ASAP1: variants seen among roughly 807,000 people sequenced by gnomAD.
ASAP1 encodes arf-GAP with SH3 domain, ANK repeat and PH domain-containing protein 1.
A neutral mutation model predicts 145.2 loss-of-function variants in ASAP1; 43 were observed. That is an observed-to-expected ratio of 0.30 (90% confidence interval 0.23 to 0.38). ASAP1 has a LOEUF of 0.38. ASAP1 is among the 10% of genes least tolerant of loss of function. The pLI is 1.00. For synonymous variants in ASAP1, 546 were observed against 515.5 expected, an observed-to-expected ratio of 1.06 and a Z score of -0.80; for missense variants, 1,018 against 1,355.3, an observed-to-expected ratio of 0.75 and a Z score of 3.91.
intron 17 of ASAP1, 78 bp downstream of exon 17, chr8:130,125,878 C>CA (rs2097574230): frequency 1.8e-5 from 26 of 1,437,736 alleles, no homozygotes; most frequent in Middle Eastern, 1.8e-4. Flanking sequence ...AGCAGACATA[C>CA]AAAAAAAATC....
intron 1 of ASAP1, among the ~76,000 whole-genome samples, chr8:130,419,945 C>CCTT (rs201976916): frequency 6.7e-6 from 1 of 150,328 alleles, no homozygotes; most frequent in Admixed American, 6.6e-5. Context: ...GCCTGCACCA[C>CCTT]CTTCTTCTTC....
chr8:130,214,271 G>A (rs957515073), intron 5 of ASAP1, among the ~76,000 whole-genome samples: 4 of 152,126 alleles, frequency 2.6e-5, no homozygotes, highest in African/African-American at 9.7e-5. Context: ...GAGAATTCAG[G>A]TTAAGCAGTT....
intron 1 of ASAP1, among the ~76,000 whole-genome samples, chr8:130,414,956 C>T (rs6470817): frequency 0.4 from 61,514 of 151,970 alleles, 12,589 homozygotes; most frequent in South Asian, 0.47. Context: ...CAGGATTTCA[C>T]CATATTGGTC....
intron 25 of ASAP1, among the ~76,000 whole-genome samples, chr8:130,090,757 CAG>C (rs2097503844): frequency 6.6e-6 from 1 of 152,190 alleles, no homozygotes; most frequent in Admixed American, 6.5e-5. Context: ...AGTAAGCAAA[CAG>C]AGTCAGAGAA....
At chr8:130,372,735 T>A (rs1441397693) in intron 2 of ASAP1, among the ~76,000 whole-genome samples, 3 of 152,228 alleles carry the variant, frequency 2.0e-5, no homozygotes, top group Admixed American at 6.5e-5. Flanking sequence ...ATATTCCTTA[T>A]GAGGGCAAAA....
chr8:130,170,976 G>A (rs147615748), intron 9 of ASAP1, among the ~76,000 whole-genome samples: 13 of 152,170 alleles, frequency 8.5e-5, no homozygotes, highest in East Asian at 1.9e-4. Flanking sequence ...TTGGTCTCCC[G>A]AAGTGCTGAG....
At chr8:130,097,126 C>CAAAA (rs61591724) in intron 24 of ASAP1, among the ~76,000 whole-genome samples, 640 of 53,544 alleles carry the variant, frequency 0.012, 88 homozygotes, top group South Asian at 0.025. Flanking sequence ...AGTTAGTCTC[C>CAAAA]AAAAAAAAAA....
At chr8:130,239,963 GAAAC>G (rs1184932748) in intron 3 of ASAP1, among the ~76,000 whole-genome samples, 1 of 152,026 alleles carries the variant, frequency 6.6e-6, no homozygotes, top group Admixed American at 6.6e-5. Flanking sequence ...TTTCAAGAAA[GAAAC>G]AAAGATCTGC....
At chr8:130,075,803 G>A (rs1186439489) in intron 27 of ASAP1, among the ~76,000 whole-genome samples, 3 of 152,210 alleles carry the variant, frequency 2.0e-5, no homozygotes, top group Non-Finnish European at 4.4e-5. Flanking sequence ...TATAGACACT[G>A]CTTTCTTGTA....
intron 12 of ASAP1, among the ~76,000 whole-genome samples, chr8:130,153,251 C>T (rs1048192383): frequency 1.4e-4 from 21 of 149,910 alleles, no homozygotes; most frequent in Non-Finnish European, 3.0e-4. Context: ...AACTCCTGAC[C>T]TCATGATCCA....
intron 7 of ASAP1, among the ~76,000 whole-genome samples, chr8:130,184,263 G>A (rs747352399): frequency 3.7e-4 from 56 of 152,170 alleles, no homozygotes; most frequent in African/African-American, 7.7e-4. Context: ...ACAAGGGTGC[G>A]AAAGTGATGG....
chr8:130,366,960 C>T (rs1176256766), intron 2 of ASAP1, among the ~76,000 whole-genome samples: 4 of 147,474 alleles, frequency 2.7e-5, no homozygotes, highest in Non-Finnish European at 5.9e-5. Flanking sequence ...GGCACAATCC[C>T]GGCTCACTGC....
intron 2 of ASAP1, among the ~76,000 whole-genome samples, chr8:130,368,772 A>G (rs1274526696): frequency 6.6e-6 from 1 of 152,252 alleles, no homozygotes; most frequent in Non-Finnish European, 1.5e-5. Flanking sequence ...ATGGCAAGAG[A>G]TGCGGGAGAG....
intron 3 of ASAP1, among the ~76,000 whole-genome samples, chr8:130,252,402 G>C (rs1819254497): frequency 6.6e-6 from 1 of 151,208 alleles, no homozygotes; most frequent in South Asian, 2.1e-4. Context: ...TTAAAAGATT[G>C]ATTCAGTACT....
At position 130,238,887 on chromosome 8, in the gene ASAP1, C is replaced by T. The variant is rs557203298; in HGVS notation, c.187-1893G>A. 3.9e-5 allele frequency among the ~76,000 whole-genome samples: 6 copies of T among 152,212 alleles called. No homozygotes were observed. The South Asian group carries it at 1.2e-3, about 32-fold the overall frequency. Reference sequence around the variant, plus strand: ...GACAAAAAACAGGGTTTCCAGACTGCAAGTCTAACACGATTTCCACCATAC... The same window carrying T: ...GACAAAAAACAGGGTTTCCAGACTGTAAGTCTAACACGATTTCCACCATAC... On this transcript the variant is annotated intron_variant, in intron 3 of 29. Coordinates refer to ENST00000518721, the MANE Select transcript of ASAP1 (RefSeq NM_018482.4).
chr8:130,182,047 A>G (rs1814390749), intron 7 of ASAP1, among the ~76,000 whole-genome samples: 1 of 152,258 alleles, frequency 6.6e-6, no homozygotes, highest in African/African-American at 2.4e-5. Context: ...TAATGCTATT[A>G]TATTTAAGAA....
chr8:130,317,613 T>C (rs986710620), intron 3 of ASAP1, among the ~76,000 whole-genome samples: 2 of 152,212 alleles, frequency 1.3e-5, no homozygotes, highest in Non-Finnish European at 2.9e-5. Context: ...TCAGAACCTG[T>C]AGAGGTACTA....
chr8:130,276,687 AACACACACACACAC>A (rs1161892776), intron 3 of ASAP1, among the ~76,000 whole-genome samples: 221 of 91,678 alleles, frequency 2.4e-3, no homozygotes, highest in African/African-American at 8.8e-3. Context: ...CAAGACTGCA[AACACACACACACAC>A]ACACACACAC....
At chr8:130,336,647 A>C (rs1825053781) in intron 3 of ASAP1, among the ~76,000 whole-genome samples, 2 of 152,230 alleles carry the variant, frequency 1.3e-5, no homozygotes, top group South Asian at 4.1e-4. Context: ...AGATTCAGAA[A>C]AGATGCCATA....
Sources: gnomAD v4.1 joint callset for allele counts (sites outside exome capture counted in the v4.1 genomes callset) on GRCh38, gnomAD v4.1.1 for gene constraint, MANE v1.5 for transcripts, NCBI Gene and HGNC (gene_info 2026-07-23, HGNC 2026-07-21) for gene names.